Variants in SGCZ observed in about 807,000 individuals in gnomAD.
SGCZ encodes zeta-sarcoglycan.
A neutral mutation model predicts 41.3 loss-of-function variants in SGCZ; 40 were observed. The observed-to-expected ratio is 0.97, with a 90% CI of 0.75 to 1.26. The LOEUF is 1.26. SGCZ is among the 50% of genes most tolerant of loss of function. The probability of loss-of-function intolerance (pLI) is 0.00; values close to 1 mark genes in which losing one functional copy is unlikely to be tolerated. For missense variants in SGCZ, 552 were observed against 369.8 expected, an observed-to-expected ratio of 1.49 and a Z score of -4.04; for synonymous variants, 206 against 137.5, an observed-to-expected ratio of 1.50 and a Z score of -3.49.
chr8:14,723,773 T>C (rs1417768298), intron 1 of SGCZ, among the ~76,000 whole-genome samples: 3 of 152,080 alleles, frequency 2.0e-5, no homozygotes, highest in African/African-American at 7.2e-5. Context: ...TATATGAGTT[T>C]TATGTTATCT....
At chr8:14,760,908 G>T (rs889791411) in intron 1 of SGCZ, among the ~76,000 whole-genome samples, 1 of 152,130 alleles carries the variant, frequency 6.6e-6, no homozygotes, top group Non-Finnish European at 1.5e-5. Context: ...CAGTTAACTG[G>T]CAAAGGTCTC....
chr8:14,221,702 G>A (rs971211200), intron 4 of SGCZ, among the ~76,000 whole-genome samples: 13 of 152,260 alleles, frequency 8.5e-5, no homozygotes, highest in African/African-American at 2.9e-4. Flanking sequence ...TTGGGAGACC[G>A]AGGAAGGCAG....
intron 7 of SGCZ, among the ~76,000 whole-genome samples, chr8:14,091,623 C>T (rs1164835763): frequency 2.0e-5 from 3 of 152,106 alleles, no homozygotes; most frequent in African/African-American, 7.2e-5. Context: ...TAAATATCTT[C>T]TTTTGAGAAA....
intron 1 of SGCZ, among the ~76,000 whole-genome samples, chr8:14,648,505 T>C (rs1020895204): frequency 6.6e-6 from 1 of 152,084 alleles, no homozygotes; most frequent in Non-Finnish European, 1.5e-5. Flanking sequence ...GATGAATATA[T>C]AGTTAAAAGC....
chr8:14,779,668 G>T (rs1055988054), intron 1 of SGCZ, among the ~76,000 whole-genome samples: 31 of 152,142 alleles, frequency 2.0e-4, no homozygotes, highest in African/African-American at 6.0e-4. Flanking sequence ...AACGTGCATA[G>T]GTATTACATA....
chr8:14,257,981 G>T (rs34786320), intron 3 of SGCZ, among the ~76,000 whole-genome samples: 1 of 151,774 alleles, frequency 6.6e-6, no homozygotes, highest in Non-Finnish European at 1.5e-5. Flanking sequence ...GCAGTGTCTC[G>T]AAGCAAATGA....
At chr8:14,146,668 C>T (rs1050866276) in intron 5 of SGCZ, among the ~76,000 whole-genome samples, 1 of 151,826 alleles carries the variant, frequency 6.6e-6, no homozygotes, top group African/African-American at 2.4e-5. Flanking sequence ...GTCAGGAGAT[C>T]GAGACCATCC....
chr8:14,976,589 A>G (rs868867386), intron 1 of SGCZ, among the ~76,000 whole-genome samples: 2 of 152,116 alleles, frequency 1.3e-5, no homozygotes, highest in African/African-American at 4.8e-5. Context: ...GTTTCTGACA[A>G]CAACACATAA....
At chr8:14,216,887 G>C (rs547349769) in intron 4 of SGCZ, among the ~76,000 whole-genome samples, 3 of 152,170 alleles carry the variant, frequency 2.0e-5, no homozygotes, top group Admixed American at 2.0e-4. Context: ...GGAAAAGTCT[G>C]GGGGTAGGAG....
At chr8:14,141,988 A>C (rs2116927067) in intron 5 of SGCZ, among the ~76,000 whole-genome samples, 1 of 152,362 alleles carries the variant, frequency 6.6e-6, no homozygotes, top group South Asian at 2.1e-4. Flanking sequence ...CTGCAGTCAT[A>C]AAAAATGGAT....
chr8:14,887,749 C>G (rs781213755), intron 1 of SGCZ, among the ~76,000 whole-genome samples: 2 of 152,110 alleles, frequency 1.3e-5, no homozygotes, highest in East Asian at 3.9e-4. Flanking sequence ...AATAAACTCA[C>G]TAGAAATGTA....
intron 1 of SGCZ, among the ~76,000 whole-genome samples, chr8:14,858,496 T>A (rs752012908): frequency 4.6e-5 from 7 of 152,134 alleles, no homozygotes; most frequent in Non-Finnish European, 8.8e-5. Flanking sequence ...CTCACACAGA[T>A]ACAAGTTGGA....
chr8:14,972,283 T>G (rs548187559), intron 1 of SGCZ, among the ~76,000 whole-genome samples: 1 of 152,308 alleles, frequency 6.6e-6, no homozygotes, highest in Admixed American at 6.5e-5. Context: ...CTCTGTCATT[T>G]CTGGTACTGA....
intron 5 of SGCZ, among the ~76,000 whole-genome samples, chr8:14,151,829 G>C (rs575213758): frequency 6.6e-6 from 1 of 152,170 alleles, no homozygotes; most frequent in African/African-American, 2.4e-5. Context: ...CTTTTGACAA[G>C]TGTGTAAAAA....
intron 1 of SGCZ, among the ~76,000 whole-genome samples, chr8:15,194,757 G>A (rs556669547): frequency 2.0e-5 from 3 of 152,200 alleles, no homozygotes; most frequent in South Asian, 4.1e-4. Flanking sequence ...AACAGGTAAG[G>A]AAACATTCTC....
Position 14,551,528 on chromosome 8 carries a change from TA to T in SGCZ, c.234+3203del, listed in dbSNP as rs1563404545. On this transcript the variant is annotated intron_variant, in intron 2 of 7. Coordinates refer to ENST00000382080, the MANE Select transcript of SGCZ (RefSeq NM_139167.4). ...TATATTATATATATTATATATAATATATATAATATATATAATATATATAATA... is the reference window on the plus strand; with the variant it reads ...TATATTATATATATTATATATAATATTATAATATATATAATATATATAATA... Among the ~76,000 whole-genome samples, 81 of 9,860 alleles carry T rather than the reference TA, an allele frequency of 8.2e-3. 4 individuals are homozygous for T. Among genetic ancestry groups the T allele is most frequent in the Admixed American group, 0.017 (10 of 578 alleles). 6.5% of individuals were successfully genotyped at this position (9,860 alleles called of 152,430 possible).
intron 1 of SGCZ, among the ~76,000 whole-genome samples, chr8:15,092,114 C>T (rs550484795): frequency 1.3e-5 from 2 of 152,164 alleles, no homozygotes; most frequent in South Asian, 2.1e-4. Flanking sequence ...TATAAAAAAA[C>T]AGCATAATAC....
intron 1 of SGCZ, among the ~76,000 whole-genome samples, chr8:14,959,048 G>A (rs1054140030): frequency 2.0e-5 from 3 of 151,862 alleles, no homozygotes; most frequent in African/African-American, 7.2e-5. Context: ...CTTCCTTATG[G>A]CATACAAACA....
intron 1 of SGCZ, among the ~76,000 whole-genome samples, chr8:15,190,088 G>A (rs1361994535): frequency 6.6e-6 from 1 of 151,958 alleles, no homozygotes; most frequent in Non-Finnish European, 1.5e-5. Context: ...CATATGCCAG[G>A]CACCTTCACA....
Sources: gnomAD v4.1 joint callset for allele counts (sites outside exome capture counted in the v4.1 genomes callset) on GRCh38, gnomAD v4.1.1 for gene constraint, MANE v1.5 for transcripts, NCBI Gene and HGNC (gene_info 2026-07-23, HGNC 2026-07-21) for gene names.